The following DHCR24 variants were observed in gnomAD, a reference collection of about 807,000 sequenced individuals.
The protein encoded by DHCR24 is 24-dehydrocholesterol reductase.
A neutral mutation model predicts 61.2 loss-of-function variants in DHCR24; 28 were observed. The observed-to-expected ratio is 0.46, with a 90% CI of 0.34 to 0.63. The LOEUF is 0.63. Among genes scored for constraint, DHCR24 ranks in the 20% least tolerant of loss-of-function variants. The pLI, the probability that DHCR24 is intolerant of heterozygous loss-of-function variation, is 0.01. For missense variants in DHCR24, 538 were observed against 679.1 expected (o/e 0.79, Z 2.31); for synonymous variants, 261 against 275.9 (o/e 0.95, Z 0.54).
intron 6 of DHCR24, among the ~76,000 whole-genome samples, chr1:54,859,342 C>T (rs1409929222): frequency 1.3e-5 from 2 of 152,194 alleles, no homozygotes; most frequent in Admixed American, 1.3e-4. Context: ...AAATCCTTGA[C>T]CTTCAGAAAC....
intron 5 of DHCR24, among the ~76,000 whole-genome samples, chr1:54,870,908 A>G (rs1387232329): frequency 3.3e-5 from 5 of 152,176 alleles, no homozygotes; most frequent in Non-Finnish European, 7.3e-5. Context: ...AAAAACTGCT[A>G]ATAAAAATTG....
chr1:54,853,016 A>G (rs1466069558), intron 8 of DHCR24, among the ~76,000 whole-genome samples: 1 of 152,064 alleles, frequency 6.6e-6, no homozygotes, highest in Non-Finnish European at 1.5e-5. Context: ...TTTCTGAGCA[A>G]TCCTCTGTCC....
chr1:54,875,389 G>C (rs1488619554), intron 3 of DHCR24, among the ~76,000 whole-genome samples, 178 bp from the exon 4 acceptor site: 1 of 152,094 alleles, frequency 6.6e-6, no homozygotes, highest in Non-Finnish European at 1.5e-5. Flanking sequence ...GGGAAGGAGG[G>C]GCTCAGATGG....
intron 6 of DHCR24, among the ~76,000 whole-genome samples, chr1:54,861,021 A>C (rs915344419): frequency 1.3e-5 from 2 of 151,188 alleles, no homozygotes; most frequent in African/African-American, 4.9e-5. Flanking sequence ...ACTTTTGGTA[A>C]TTTAAAACCC....
chr1:54,873,914 T>C (rs932857706), intron 4 of DHCR24, among the ~76,000 whole-genome samples: 1 of 152,250 alleles, frequency 6.6e-6, no homozygotes, highest in Admixed American at 6.5e-5. Context: ...CCTCCCAAAG[T>C]GCTGGTATTA....
intron 4 of DHCR24, among the ~76,000 whole-genome samples, chr1:54,872,920 T>C (rs1372287591): frequency 6.6e-6 from 1 of 151,568 alleles, no homozygotes; most frequent in Non-Finnish European, 1.5e-5. Context: ...AGTGAAGGAG[T>C]CGGGTGGCTC....
At chr1:54,854,433 G>T (rs1001750888) in intron 6 of DHCR24, among the ~76,000 whole-genome samples, 199 bp from the exon 7 acceptor site, 6 of 152,142 alleles carry the variant, frequency 3.9e-5, no homozygotes, top group African/African-American at 1.2e-4. Flanking sequence ...TCTGGCATTC[G>T]CCAGTAGTGA....
intron 7 of DHCR24, among the ~76,000 whole-genome samples, 165 bp from the exon 8 acceptor site, chr1:54,853,777 C>G (rs988581783): frequency 6.6e-6 from 1 of 152,228 alleles, no homozygotes; most frequent in East Asian, 1.9e-4. Context: ...GCTGAGAACA[C>G]CCTGACTCCA....
intron 6 of DHCR24, among the ~76,000 whole-genome samples, chr1:54,862,771 C>A (rs1426052369): frequency 1.3e-5 from 2 of 152,166 alleles, no homozygotes; most frequent in East Asian, 1.9e-4. Context: ...TCCCCTCCCC[C>A]ATGTTTCAAA....
intron 6 of DHCR24, among the ~76,000 whole-genome samples, chr1:54,863,058 G>C (rs1174571404): frequency 1.7e-5 from 2 of 117,474 alleles, no homozygotes; most frequent in South Asian, 3.1e-4. Context: ...CTGGGTGACA[G>C]AGCAAGACTC....
chr1:54,875,604 A>C (rs1434751464), intron 3 of DHCR24, among the ~76,000 whole-genome samples: 3 of 152,156 alleles, frequency 2.0e-5, no homozygotes, highest in Non-Finnish European at 4.4e-5. Flanking sequence ...TCCCTGAAGA[A>C]GAAGAGGCTT....
intron 5 of DHCR24, among the ~76,000 whole-genome samples, chr1:54,867,969 C>G (rs1039925563): frequency 1.3e-5 from 2 of 152,238 alleles, no homozygotes; most frequent in African/African-American, 4.8e-5. Context: ...GAGTCAGAAG[C>G]TGGAATTTAA....
At chr1:54,879,322 GAAAAAAAAA>G (rs58945175) in intron 2 of DHCR24, among the ~76,000 whole-genome samples, 1,720 of 108,414 alleles carry the variant, frequency 0.016, 32 homozygotes, top group African/African-American at 0.031. Flanking sequence ...GACTCCATCT[GAAAAAAAAA>G]AAAAAAAAAA....
At chr1:54,854,437 G>A (rs1034282193) in intron 6 of DHCR24, among the ~76,000 whole-genome samples, 1 of 152,224 alleles carries the variant, frequency 6.6e-6, no homozygotes, top group East Asian at 1.9e-4. Context: ...GCATTCGCCA[G>A]TAGTGATGAC....
chr1:54,856,160 C>A (rs1646906479), intron 6 of DHCR24, among the ~76,000 whole-genome samples: 1 of 152,196 alleles, frequency 6.6e-6, no homozygotes, highest in African/African-American at 2.4e-5. Flanking sequence ...CTGCAGGGGT[C>A]CACAAATTCG....
intron 2 of DHCR24, among the ~76,000 whole-genome samples, chr1:54,878,667 C>G (rs944522060): frequency 6.6e-6 from 1 of 151,952 alleles, no homozygotes; most frequent in Non-Finnish European, 1.5e-5. Context: ...GATCTTGCCT[C>G]ATAATAAACT....
intron 2 of DHCR24, among the ~76,000 whole-genome samples, chr1:54,876,391 T>C (rs1438681123): frequency 2.0e-5 from 3 of 152,184 alleles, no homozygotes; most frequent in Non-Finnish European, 4.4e-5. Context: ...TGGTGACTCA[T>C]GTCTGTAATC....
rs545443711 is a variant in DHCR24, at chr1:54,877,126, C to A, written c.388-1079G>T. Reference sequence around the variant, plus strand: ...CAGAGGGATGACTTTGAATAGAATGCGGAAGCAGGTTTGTCCTGAGCAGTT... The same window carrying A: ...CAGAGGGATGACTTTGAATAGAATGAGGAAGCAGGTTTGTCCTGAGCAGTT... On this transcript the variant is annotated intron_variant, in intron 2 of 8. Coordinates refer to ENST00000371269, the MANE Select transcript of DHCR24 (RefSeq NM_014762.4). Among the ~76,000 whole-genome samples the A allele has an allele frequency of 2.0e-5, 3 of 151,906 alleles. No homozygotes were observed. The South Asian group carries it at 6.3e-4, about 32-fold the overall frequency.
intron 6 of DHCR24, among the ~76,000 whole-genome samples, chr1:54,857,217 C>A (rs932970725): frequency 6.6e-6 from 1 of 152,222 alleles, no homozygotes; most frequent in East Asian, 1.9e-4. Flanking sequence ...CTAAGCTGCC[C>A]CCTTGCTGAG....
Sources: gnomAD v4.1 joint callset for allele counts (sites outside exome capture counted in the v4.1 genomes callset) on GRCh38, gnomAD v4.1.1 for gene constraint, MANE v1.5 for transcripts, NCBI Gene and HGNC (gene_info 2026-07-23, HGNC 2026-07-21) for gene names.